TRAF3IP1: variants seen among roughly 807,000 people sequenced by gnomAD.
TRAF3IP1 encodes TRAF3-interacting protein 1.
In TRAF3IP1, 53 loss-of-function variants were observed where a neutral mutation model predicts 89.9. The ratio of observed to expected loss-of-function variants is 0.59; its 90% CI spans 0.47 to 0.74. TRAF3IP1 has a LOEUF of 0.74. Ranked by LOEUF, TRAF3IP1 falls within the 30% of genes least tolerant of loss-of-function variation. The pLI, the probability that TRAF3IP1 is intolerant of heterozygous loss-of-function variation, is 0.00. For missense variants in TRAF3IP1, 806 were observed against 866.1 expected, an observed-to-expected ratio of 0.93 and a Z score of 0.87; for synonymous variants, 311 against 322.1, an observed-to-expected ratio of 0.97 and a Z score of 0.37.
intron 7 of TRAF3IP1, among the ~76,000 whole-genome samples, chr2:238,335,999 C>T (rs1397118758): frequency 6.6e-6 from 1 of 151,910 alleles, no homozygotes; most frequent in Non-Finnish European, 1.5e-5. Flanking sequence ...ACCATGTTGG[C>T]CAGGCTGGTC....
At position 238,351,694 on chromosome 2, in the gene TRAF3IP1, G is replaced by A. The variant is rs1699159927; in HGVS notation, c.1452-1133G>A. On this transcript the variant is annotated intron_variant, in intron 12 of 16. Coordinates refer to ENST00000373327, the MANE Select transcript of TRAF3IP1 (RefSeq NM_015650.4). The surrounding 1 kb of genome is among the most constrained non-coding windows in gnomAD (Gnocchi z 5.2). ...AGGTTGGTCCTGGCGGAGCCACACA[G>A]GTGGTTGTTGAGTGTCTCAAGGACC... Among the ~76,000 whole-genome samples the A allele has an allele frequency of 6.6e-6, 1 of 152,144 alleles. No homozygotes were observed. Among genetic ancestry groups the A allele is most frequent in the Non-Finnish European group, 1.5e-5 (1 of 68,012 alleles).
rs1201886014 is a variant in TRAF3IP1, at chr2:238,332,827, G to T, written c.919G>T (p.Ala307Ser). Residue 307 changes from alanine (A) to serine (S), a missense_variant, in exon 6 of 17, where the codon GCA becomes TCA. By Grantham distance (99) the Ala-to-Ser change is moderately conservative. Coordinates refer to ENST00000373327, the MANE Select transcript of TRAF3IP1 (RefSeq NM_015650.4). ...GAATTTTTTTTTTTTTTAATAGTCA[G>T]CAAGCTCAGGGGAGATGTCTAAAAA... ...REHDKPEKKSASSGEMSKKLS... is the reference protein window; with the variant it reads ...REHDKPEKKSSSSGEMSKKLS... 1 of 1,603,142 alleles carries T rather than the reference G, an allele frequency of 6.2e-7. No homozygotes were observed. Among genetic ancestry groups the T allele is most frequent in the South Asian group, 1.1e-5 (1 of 89,096 alleles).
intron 8 of TRAF3IP1, among the ~76,000 whole-genome samples, chr2:238,342,371 G>T (rs1320837383): frequency 6.6e-6 from 1 of 151,700 alleles, no homozygotes; most frequent in African/African-American, 2.4e-5. Flanking sequence ...CTGTGATTAT[G>T]AATTGATTCT....
Position 238,332,804 on chromosome 2 carries a change from A to ATTTT in TRAF3IP1, c.916-9_916-6dup. The ATTTT allele has an allele frequency of 8.2e-7, 1 of 1,220,664 alleles. No homozygotes were observed. Among genetic ancestry groups the ATTTT allele is most frequent in the South Asian group, 1.4e-5 (1 of 70,612 alleles). 75.6% of individuals were successfully genotyped at this position (1,220,664 alleles called of 1,614,324 possible). ...GGATTGGAATAATTCTAAAGTTTGAATTTTTTTTTTTTTTAATAGTCAGCA... is the reference window on the plus strand; with the variant it reads ...GGATTGGAATAATTCTAAAGTTTGAATTTTTTTTTTTTTTTTTTAATAGTCAGCA... On this transcript the variant is annotated intron_variant, in intron 5 of 16. Transcript: ENST00000373327.
chr2:238,335,766 T>TTTTATTTATTTATTTA (rs141038702), intron 7 of TRAF3IP1, among the ~76,000 whole-genome samples: 8 of 137,102 alleles, frequency 5.8e-5, no homozygotes, highest in Non-Finnish European at 7.7e-5. Context: ...TTTTATTTTA[T>TTTTATTTATTTATTTA]TTTATTTATT....
intron 15 of TRAF3IP1, among the ~76,000 whole-genome samples, chr2:238,369,470 A>C (rs1177703721): frequency 6.6e-6 from 1 of 152,184 alleles, no homozygotes; most frequent in Non-Finnish European, 1.5e-5. Context: ...TTCAGTCTCA[A>C]ACAGTCTGTG....
intron 12 of TRAF3IP1, 112 bp from the exon 13 acceptor site, chr2:238,352,715 C>T (rs1699227498): frequency 2.8e-6 from 3 of 1,065,256 alleles, no homozygotes; most frequent in Non-Finnish European, 4.1e-6. Context: ...GCTGTTCTAG[C>T]TAGAGATGGT....
intron 3 of TRAF3IP1, 63 bp from the exon 4 acceptor site, chr2:238,328,623 A>C: frequency 6.4e-7 from 1 of 1,557,086 alleles, no homozygotes; most frequent in South Asian, 1.2e-5. Flanking sequence ...GCGATGTTCT[A>C]TTTGTTACGT....
chr2:238,399,674 G>A lies in TRAF3IP1; in HGVS notation c.*755G>A, dbSNP rs1237198978. 1 of 152,088 alleles carries A rather than the reference G, an allele frequency of 6.6e-6. No individual in the cohort carries two copies. The highest frequency in any genetic ancestry group is 1.9e-4 in the East Asian group (1 of 5,194). The allele number at this position is 152,088 out of a possible 1,614,324, so 9.4% of individuals were successfully genotyped here. On this transcript the variant is annotated 3_prime_UTR_variant, in exon 17 of 17. Transcript: ENST00000373327. Reference sequence around the variant, plus strand: ...CCTGGTTTTCCTCAGACAGAGGCTAGCGCAGCCCCCCGGAGTCCTTGTTCT... The same window carrying A: ...CCTGGTTTTCCTCAGACAGAGGCTAACGCAGCCCCCCGGAGTCCTTGTTCT...
chr2:238,352,113 G>A (rs1435878648), intron 12 of TRAF3IP1, among the ~76,000 whole-genome samples: 1 of 152,042 alleles, frequency 6.6e-6, no homozygotes, highest in African/African-American at 2.4e-5. Context: ...GGAGGAGTGG[G>A]GCAGCTGTAG....
At chr2:238,329,459 T>C in intron 5 of TRAF3IP1, 117 bp downstream of exon 5, 1 of 878,396 alleles carries the variant, frequency 1.1e-6, no homozygotes. Flanking sequence ...TATGCCTATT[T>C]AAAATGATGA....
At chr2:238,349,799 G>C in intron 12 of TRAF3IP1, among the ~76,000 whole-genome samples, 1 of 152,240 alleles carries the variant, frequency 6.6e-6, no homozygotes, top group East Asian at 1.9e-4. Context: ...GCTGGGCCTG[G>C]TGGTTCACGC....
At chr2:238,382,196 G>A (rs1700578727) in intron 15 of TRAF3IP1, among the ~76,000 whole-genome samples, 1 of 152,142 alleles carries the variant, frequency 6.6e-6, no homozygotes, top group South Asian at 2.1e-4. Context: ...AGGAGGATAC[G>A]AAAACAGGCG....
At chr2:238,394,028 A>T (rs1701106917) in intron 15 of TRAF3IP1, among the ~76,000 whole-genome samples, 1 of 152,092 alleles carries the variant, frequency 6.6e-6, no homozygotes, top group Non-Finnish European at 1.5e-5. Flanking sequence ...GTGAAATCCC[A>T]TGTCTACTAA....
At chr2:238,375,999 C>T (rs1023760191) in intron 15 of TRAF3IP1, among the ~76,000 whole-genome samples, 6 of 152,092 alleles carry the variant, frequency 3.9e-5, no homozygotes, top group African/African-American at 9.7e-5. Flanking sequence ...GTTCCATATG[C>T]GTGGAACTCT....
In TRAF3IP1 at chr2:238,320,591, C is replaced by A; in HGVS notation, c.-72C>A. ...GCGGCGGCGGCGGGGCCGGCGGCGG[C>A]CAGGGACCCGGGCTTAGGCTCGGCC... On this transcript the variant is annotated 5_prime_UTR_variant, in exon 1 of 17. Transcript: ENST00000373327. 9.1e-7 allele frequency: 1 copy of A among 1,102,786 alleles called. No individual in the cohort carries two copies. Among genetic ancestry groups the A allele is most frequent in the Non-Finnish European group, 1.1e-6 (1 of 903,410 alleles). 68.3% of individuals were successfully genotyped at this position (1,102,786 alleles called of 1,614,324 possible). A position where few individuals can be genotyped will look rare whatever the true frequency, so the allele number is the denominator to read the frequency against.
Position 238,325,408 on chromosome 2 carries a change from T to C in TRAF3IP1, c.192+34T>C, listed in dbSNP as rs1168273009. ...GAGTCGGGCTTCTCCTATTGACTCC[T>C]CGCCTTAACGGATGGGATTTTTTGT... On this transcript the variant is annotated intron_variant, in intron 2 of 16. Transcript: ENST00000373327. The C allele has an allele frequency of 1.9e-6, 3 of 1,610,310 alleles. No individual in the cohort carries two copies. The African/African-American group carries it at 4.0e-5, about 22-fold the overall frequency.
Position 238,345,627 on chromosome 2 carries a change from CAGAGA to C in TRAF3IP1, c.1261+1035_1261+1039del, listed in dbSNP as rs984463145. Among the ~76,000 whole-genome samples the C allele has an allele frequency of 6.6e-6, 1 of 152,070 alleles. No homozygotes were observed. Among genetic ancestry groups the C allele is most frequent in the Non-Finnish European group, 1.5e-5 (1 of 68,018 alleles). On this transcript the variant is annotated intron_variant, in intron 9 of 16. Coordinates refer to ENST00000373327, the MANE Select transcript of TRAF3IP1 (RefSeq NM_015650.4). This position sits in a 1 kb window ranked among gnomAD's most constrained non-coding sequence, Gnocchi z 4.7. ...TAATTAGGGAGGGTTAAAGATTGTG[CAGAGA>C]AGAGAGAGAGGCCTGGACTGTGGAG...
At chr2:238,352,448 A>C (rs1699214640) in intron 12 of TRAF3IP1, among the ~76,000 whole-genome samples, 1 of 152,196 alleles carries the variant, frequency 6.6e-6, no homozygotes, top group African/African-American at 2.4e-5. Flanking sequence ...GGTAGAAAGC[A>C]GCAGGTGAAG....
Sources: gnomAD v4.1 joint callset for allele counts (sites outside exome capture counted in the v4.1 genomes callset) on GRCh38, gnomAD v4.1.1 for gene constraint, Gnocchi (gnomAD v3.1) non-coding constraint, MANE v1.5 for transcripts, NCBI Gene and HGNC (gene_info 2026-07-23, HGNC 2026-07-21) for gene names.